NAV1: variants seen among roughly 807,000 people sequenced by gnomAD.
NAV1 encodes the protein pore membrane and/or filament interacting like protein 3.
NAV1 carries 18 observed loss-of-function variants against 175.2 expected under a neutral mutation model. The observed-to-expected ratio is 0.10, with a 90% CI of 0.07 to 0.15. NAV1 has a LOEUF of 0.15. Among genes scored for constraint, NAV1 ranks in the 10% least tolerant of loss-of-function variants. The pLI is 1.00. For missense variants in NAV1, 1,731 were observed against 2,436.6 expected, an observed-to-expected ratio of 0.71 and a Z score of 6.10; for synonymous variants, 897 against 978.7, an observed-to-expected ratio of 0.92 and a Z score of 1.56.
At chr1:201,797,582 A>C (rs926861441) in intron 15 of NAV1, 1 of 152,198 alleles carries the variant, frequency 6.6e-6, no homozygotes, top group African/African-American at 2.4e-5. Context: ...TTGAATCTGT[A>C]TATCAATTTA....
At chr1:201,630,432 G>A (rs1322536177) in intron 2 of NAV1, among the ~76,000 whole-genome samples, 4 of 152,214 alleles carry the variant, frequency 2.6e-5, no homozygotes, top group Non-Finnish European at 5.9e-5. Context: ...CTGGGGCTTA[G>A]AACACAGCCT....
In NAV1 at chr1:201,597,105, C is replaced by A. The variant is rs182129330; in HGVS notation, c.-33+8456C>A. ...CCTCCCAAAGTGCTGGGATTACAGA[C>A]GTGAGCCACCGTGCCTGGCCTGGCA... On this transcript the variant is annotated intron_variant, in intron 2 of 33. Transcript: ENST00000685211. Among the ~76,000 whole-genome samples the A allele has an allele frequency of 2.6e-3, 389 of 152,224 alleles. 7 individuals are homozygous for A. Among genetic ancestry groups the A allele is most frequent in the Non-Finnish European group, 3.6e-3 (243 of 68,008 alleles).
At chr1:201,634,743 C>G (rs1421453906) in intron 2 of NAV1, among the ~76,000 whole-genome samples, 1 of 152,116 alleles carries the variant, frequency 6.6e-6, no homozygotes. Flanking sequence ...AGTGGAGTGG[C>G]AAGAATAGCA....
chr1:201,589,403 C>T (rs922007421), intron 2 of NAV1, among the ~76,000 whole-genome samples: 4 of 152,110 alleles, frequency 2.6e-5, no homozygotes, highest in Non-Finnish European at 4.4e-5. Flanking sequence ...TATTTAGTAC[C>T]GTGTAGGGAA....
rs770622302 is a variant in NAV1, at chr1:201,810,765, G to T, written c.4797+7G>T. ...GCACCAGCAGTCTTGCAAGGTGGCT[G>T]CCCCCCGACACCCCTGCCAGCCTTT... On this transcript the variant is annotated splice_region_variant and intron_variant, in intron 24 of 29. Coordinates refer to ENST00000367296, the Ensembl canonical transcript of NAV1. This position sits in a 1 kb window ranked among gnomAD's most constrained non-coding sequence, Gnocchi z 6.0. 4 of 1,608,598 alleles carry T rather than the reference G, an allele frequency of 2.5e-6. No individual in the cohort carries two copies. In the South Asian group the frequency reaches 4.4e-5, roughly 18 times the overall value.
At chr1:201,542,368 G>A (rs1466141948) in intron 1 of NAV1, among the ~76,000 whole-genome samples, 1 of 152,132 alleles carries the variant, frequency 6.6e-6, no homozygotes, top group Non-Finnish European at 1.5e-5. Context: ...AAGAAATGTG[G>A]CAATACTTGG....
chr1:201,799,585 TGCGGTG>T (rs202163401), intron 15 of NAV1, among the ~76,000 whole-genome samples: 2,009 of 152,252 alleles, frequency 0.013, 41 homozygotes, highest in African/African-American at 0.046. Flanking sequence ...TAGGGTCAGG[TGCGGTG>T]GCTCACGCCT....
At position 201,750,603 on chromosome 1, in the gene NAV1, C is replaced by T. The variant is rs1287838375; in HGVS notation, c.1227-29818C>T. On this transcript the variant is annotated intron_variant, in intron 3 of 29. Transcript: ENST00000367296. The surrounding 1 kb of genome is among the most constrained non-coding windows in gnomAD (Gnocchi z 4.1). ...AGATCTAAATAAGCTCTCCCCAAGTCAGACAGAGGACATATTTTTAGTGCT... is the reference window on the plus strand; with the variant it reads ...AGATCTAAATAAGCTCTCCCCAAGTTAGACAGAGGACATATTTTTAGTGCT... 6.6e-6 allele frequency among the ~76,000 whole-genome samples: 1 copy of T among 152,160 alleles called. No homozygotes were observed. Among genetic ancestry groups the T allele is most frequent in the Non-Finnish European group, 1.5e-5 (1 of 68,030 alleles).
At position 201,787,725 on chromosome 1, in the gene NAV1, G is replaced by A; in HGVS notation, c.2996-743G>A. On this transcript the variant is annotated intron_variant, in intron 9 of 29. Transcript: ENST00000367296. The surrounding 1 kb of genome is among the most constrained non-coding windows in gnomAD (Gnocchi z 4.3). The stretch of plus-strand genomic sequence containing the variant: ...GAATAGACAAGGGAGCTCCTTGTGG[G>A]TATGAAACCCTGAAAGGCTGTAATC... 1 of 456,158 alleles carries A rather than the reference G, an allele frequency of 2.2e-6. No individual in the cohort carries two copies. Among genetic ancestry groups the A allele is most frequent in the Middle Eastern group, 3.3e-4 (1 of 3,066 alleles). 28.3% of individuals were successfully genotyped at this position (456,158 alleles called of 1,614,324 possible). A position where few individuals can be genotyped will look rare whatever the true frequency, so the allele number is the denominator to read the frequency against.
chr1:201,722,940 C>T (rs1290591317), intron 3 of NAV1, among the ~76,000 whole-genome samples: 4 of 152,162 alleles, frequency 2.6e-5, no homozygotes, highest in African/African-American at 4.8e-5. Context: ...GGTGAAACCC[C>T]ATCTCTACCA....
At chr1:201,711,763 A>G (rs891735957) in intron 1 of NAV1, among the ~76,000 whole-genome samples, 5 of 152,242 alleles carry the variant, frequency 3.3e-5, no homozygotes, top group Non-Finnish European at 5.9e-5. Flanking sequence ...AAGATAAGCC[A>G]TGGGGCAGGG....
At position 201,817,043 on chromosome 1, in the gene NAV1, A is replaced by T. The variant is rs763676707; in HGVS notation, c.5341-45A>T. 3 of 1,575,236 alleles carry T rather than the reference A, an allele frequency of 1.9e-6. No individual in the cohort carries two copies. In the African/African-American group the frequency reaches 4.0e-5, roughly 21 times the overall value. ...CAAAAGACTGCATGAACAAGCCTCTAATCTGTTAATTCCCCACAGTAATCA... is the reference window on the plus strand; with the variant it reads ...CAAAAGACTGCATGAACAAGCCTCTTATCTGTTAATTCCCCACAGTAATCA... On this transcript the variant is annotated intron_variant, in intron 28 of 29. Transcript: ENST00000367296.
chr1:201,627,309 G>A (rs997781885), intron 1 of NAV1, among the ~76,000 whole-genome samples: 2 of 151,242 alleles, frequency 1.3e-5, no homozygotes, highest in Admixed American at 6.6e-5. Context: ...GTCTCACTCT[G>A]TCGCCCAGGC....
exon 30 of NAV1, chr1:201,820,887 G>C (rs574983724): frequency 6.6e-6 from 1 of 151,074 alleles, no homozygotes; most frequent in Non-Finnish European, 1.5e-5. Context: ...TTTTCCAGGG[G>C]CTAGTTTGGC....
chr1:201,625,674 T>C (rs1019196896), intron 1 of NAV1, among the ~76,000 whole-genome samples: 1 of 152,192 alleles, frequency 6.6e-6, no homozygotes, highest in African/African-American at 2.4e-5. Flanking sequence ...TTCCAATTAG[T>C]AAAATGTTTC....
At chr1:201,575,288 C>A (rs1666663130) in intron 1 of NAV1, among the ~76,000 whole-genome samples, 2 of 152,134 alleles carry the variant, frequency 1.3e-5, no homozygotes, top group Non-Finnish European at 1.5e-5. Flanking sequence ...CCAACCTGGT[C>A]CTTACTATCT....
At chr1:201,702,168 T>C (rs954062953) in intron 1 of NAV1, among the ~76,000 whole-genome samples, 1 of 152,182 alleles carries the variant, frequency 6.6e-6, no homozygotes, top group Non-Finnish European at 1.5e-5. Flanking sequence ...ATGAAATGTC[T>C]AGAATAGGCA....
intron 1 of NAV1, among the ~76,000 whole-genome samples, chr1:201,654,519 G>A (rs1669328052): frequency 1.3e-5 from 2 of 151,668 alleles, no homozygotes; most frequent in South Asian, 4.2e-4. Context: ...GCACCTCACA[G>A]CCTCTGACCC....
chr1:201,677,162 G>T (rs186843308), intron 1 of NAV1, among the ~76,000 whole-genome samples: 1 of 147,326 alleles, frequency 6.8e-6, no homozygotes, highest in East Asian at 2.0e-4. Context: ...TGAGGCAGAA[G>T]AATCGCTTGA....
Sources: gnomAD v4.1 joint callset for allele counts (sites outside exome capture counted in the v4.1 genomes callset) on GRCh38, gnomAD v4.1.1 for gene constraint, Gnocchi (gnomAD v3.1) non-coding constraint, MANE v1.5 for transcripts, NCBI Gene and HGNC (gene_info 2026-07-23, HGNC 2026-07-21) for gene names.